Variants in NRXN1 observed in about 807,000 individuals in gnomAD.
NRXN1 encodes neurexin-1.
A neutral mutation model predicts 150.9 loss-of-function variants in NRXN1; 39 were observed. The ratio of observed to expected loss-of-function variants is 0.26; its 90% CI spans 0.20 to 0.34. NRXN1 has a LOEUF of 0.34. NRXN1 is among the 10% of genes least tolerant of loss of function. NRXN1 has a pLI of 1.00. For missense variants in NRXN1, 1,815 were observed against 1,949.9 expected, an observed-to-expected ratio of 0.93 and a Z score of 1.30; for synonymous variants, 924 against 757.0, an observed-to-expected ratio of 1.22 and a Z score of -3.62.
rs917390381 is a variant in NRXN1, at chr2:50,060,579, G to C, written c.3719-5535C>G. On this transcript the variant is annotated intron_variant, in intron 19 of 22. Coordinates refer to ENST00000401669, the MANE Select transcript of NRXN1 (RefSeq NM_001330078.2). ...TGGGAGGGGCCAGGGATATGGTTTGGCTGTGTCCCCACCCAAATCTCATCT... is the reference window on the plus strand; with the variant it reads ...TGGGAGGGGCCAGGGATATGGTTTGCCTGTGTCCCCACCCAAATCTCATCT... Among the ~76,000 whole-genome samples, 16 of 152,148 alleles carry C rather than the reference G, an allele frequency of 1.1e-4. No individual in the cohort carries two copies. The East Asian group carries it at 2.3e-3, about 22-fold the overall frequency.
In NRXN1 at chr2:51,002,325, A is replaced by G. The variant is rs75705465; in HGVS notation, c.772+25177T>C. Among the ~76,000 whole-genome samples, 548 of 152,078 alleles carry G rather than the reference A, an allele frequency of 3.6e-3. 5 individuals carry two copies. Among genetic ancestry groups the G allele is most frequent in the African/African-American group, 0.012 (518 of 41,540 alleles). On this transcript the variant is annotated intron_variant, in intron 2 of 22. Transcript: ENST00000401669. Reference sequence around the variant, plus strand: ...TACACTAAAAACTACTTTATGACACAACCAGAAGCACTAATAAAATGTTGT... The same window carrying G: ...TACACTAAAAACTACTTTATGACACGACCAGAAGCACTAATAAAATGTTGT...
chr2:50,745,306 C>CT (rs373760708), intron 5 of NRXN1, among the ~76,000 whole-genome samples: 2 of 147,422 alleles, frequency 1.4e-5, no homozygotes, highest in East Asian at 2.1e-4. Flanking sequence ...TCTGCCCCCC[C>CT]CCAGGACTGA....
chr2:49,938,783 C>G (rs1671470972), intron 22 of NRXN1, among the ~76,000 whole-genome samples: 1 of 152,160 alleles, frequency 6.6e-6, no homozygotes, highest in African/African-American at 2.4e-5. Context: ...TATTAGGGAG[C>G]TACTACAGCA....
chr2:50,497,750 T>G, intron 13 of NRXN1, 36 bp from the exon 14 acceptor site: 1 of 1,549,028 alleles, frequency 6.5e-7, no homozygotes, highest in Non-Finnish European at 8.7e-7. Context: ...ATTTTCTGTA[T>G]CTGAAAGGCA....
chr2:50,378,575 C>G (rs995824422), intron 17 of NRXN1, among the ~76,000 whole-genome samples: 2 of 151,992 alleles, frequency 1.3e-5, no homozygotes, highest in African/African-American at 4.8e-5. Context: ...TGCTTTCTAC[C>G]CACAGTTGCA....
At chr2:50,310,579 G>T (rs2075090497) in intron 17 of NRXN1, among the ~76,000 whole-genome samples, 1 of 151,880 alleles carries the variant, frequency 6.6e-6, no homozygotes, top group African/African-American at 2.4e-5. Context: ...TCTTATTAAA[G>T]AATAATAAAT....
chr2:50,205,537 C>T (rs535946888), intron 18 of NRXN1, among the ~76,000 whole-genome samples: 5 of 152,074 alleles, frequency 3.3e-5, no homozygotes, highest in African/African-American at 1.2e-4. Context: ...CTTCAAAGTG[C>T]AACATACGGA....
chr2:50,286,983 A>C (rs1400236393), intron 17 of NRXN1, among the ~76,000 whole-genome samples: 1 of 152,022 alleles, frequency 6.6e-6, no homozygotes, highest in Non-Finnish European at 1.5e-5. Flanking sequence ...TTAAGTGTAA[A>C]TTATTGATGA....
At position 49,920,283 on chromosome 2, in the gene NRXN1, G is replaced by A. The variant is rs1315263175; in HGVS notation, c.*1661C>T. On this transcript the variant is annotated 3_prime_UTR_variant, in exon 23 of 23. Coordinates refer to ENST00000401669, the MANE Select transcript of NRXN1 (RefSeq NM_001330078.2). ...TAGTAATACAGAATCAAAAATTACTGAAAAATACTTTCTTAGTCGAGAGAA... is the reference window on the plus strand; with the variant it reads ...TAGTAATACAGAATCAAAAATTACTAAAAAATACTTTCTTAGTCGAGAGAA... 4 of 152,304 alleles carry A rather than the reference G, an allele frequency of 2.6e-5. No homozygotes were observed. The highest frequency in any genetic ancestry group is 2.6e-4 in the Admixed American group (4 of 15,262). The allele number at this position is 152,304 out of a possible 1,614,324, so 9.4% of individuals were successfully genotyped here.
At position 50,347,381 on chromosome 2, in the gene NRXN1, GAATCCACTAGGTA is replaced by G; in HGVS notation, c.3365-110424_3365-110412del. ...CTTCTACATGACAGACATCCACCGCGAATCCACTAGGTAAATCCATTTAGCTTTGTGTGCGGGG... is the reference window on the plus strand; with the variant it reads ...CTTCTACATGACAGACATCCACCGCGAATCCATTTAGCTTTGTGTGCGGGG... On this transcript the variant is annotated intron_variant, in intron 17 of 22. Transcript: ENST00000401669. The surrounding 1 kb of genome is among the most constrained non-coding windows in gnomAD (Gnocchi z 4.9). 1 of 1,194,022 alleles carries G rather than the reference GAATCCACTAGGTA, an allele frequency of 8.4e-7. No homozygotes were observed. Among genetic ancestry groups the G allele is most frequent in the Non-Finnish European group, 1.1e-6 (1 of 943,944 alleles). The allele number at this position is 1,194,022 out of a possible 1,614,324, so 74.0% of individuals were successfully genotyped here. A position where few individuals can be genotyped will look rare whatever the true frequency, so the allele number is the denominator to read the frequency against.
At chr2:50,981,295 A>G (rs1158244011) in intron 2 of NRXN1, among the ~76,000 whole-genome samples, 1 of 151,652 alleles carries the variant, frequency 6.6e-6, no homozygotes, top group African/African-American at 2.4e-5. Context: ...CTTCTCTACA[A>G]AAAATAACAA....
intron 21 of NRXN1, among the ~76,000 whole-genome samples, chr2:50,043,509 C>A (rs986740653): frequency 3.9e-5 from 6 of 152,108 alleles, no homozygotes; most frequent in African/African-American, 1.4e-4. Flanking sequence ...GAGATTAGAA[C>A]CAGAGAACTT....
chr2:50,589,068 C>T (rs896356435), intron 8 of NRXN1: 5 of 151,980 alleles, frequency 3.3e-5, no homozygotes, highest in South Asian at 2.1e-4. Context: ...TTGGGGTGAC[C>T]GAAGAATCAA....
chr2:50,997,035 T>C (rs1699408521), intron 2 of NRXN1, among the ~76,000 whole-genome samples: 1 of 151,938 alleles, frequency 6.6e-6, no homozygotes, highest in Non-Finnish European at 1.5e-5. Flanking sequence ...TCCTGGAGTT[T>C]AAAAAACTGC....
intron 5 of NRXN1, among the ~76,000 whole-genome samples, chr2:50,754,792 T>C (rs1045208206): frequency 2.0e-5 from 3 of 151,938 alleles, no homozygotes; most frequent in Admixed American, 6.6e-5. Context: ...CATTATATTA[T>C]AGCTCAGAGC....
At position 49,920,855 on chromosome 2, in the gene NRXN1, T is replaced by TTAA. The variant is rs2103977765; in HGVS notation, c.*1086_*1088dup. On this transcript the variant is annotated 3_prime_UTR_variant, in exon 23 of 23. Coordinates refer to ENST00000401669, the MANE Select transcript of NRXN1 (RefSeq NM_001330078.2). The stretch of plus-strand genomic sequence containing the variant: ...ACACCTTTCATACAAGTACTAAAAC[T>TTAA]TAATTGCAACAGAATGAAGGCTGTA... 1 of 152,658 alleles carries TTAA rather than the reference T, an allele frequency of 6.6e-6. No individual in the cohort carries two copies. Among genetic ancestry groups the TTAA allele is most frequent in the Non-Finnish European group, 1.5e-5 (1 of 68,014 alleles). 9.5% of individuals were successfully genotyped at this position (152,658 alleles called of 1,614,324 possible).
intron 5 of NRXN1, among the ~76,000 whole-genome samples, chr2:50,753,573 C>T (rs1303907846): frequency 6.6e-6 from 1 of 151,872 alleles, no homozygotes; most frequent in East Asian, 1.9e-4. Context: ...TCACATGACA[C>T]AGTATTATTA....
At chr2:50,349,749 T>C (rs2152999954) in intron 17 of NRXN1, among the ~76,000 whole-genome samples, 1 of 152,326 alleles carries the variant, frequency 6.6e-6, no homozygotes, top group Non-Finnish European at 1.5e-5. Context: ...CATGAAGGCG[T>C]TATGTCTCTT....
intron 17 of NRXN1, among the ~76,000 whole-genome samples, chr2:50,271,470 G>A (rs2069619899): frequency 6.6e-6 from 1 of 152,098 alleles, no homozygotes. Flanking sequence ...TTTAGGAATG[G>A]TTATTTCCAT....
Sources: allele counts gnomAD v4.1 joint callset (sites outside exome capture counted in the v4.1 genomes callset), GRCh38; gene constraint gnomAD v4.1.1; non-coding constraint Gnocchi (gnomAD v3.1); transcripts MANE v1.5; gene names NCBI Gene and HGNC (gene_info 2026-07-23, HGNC 2026-07-21).